Variants in GABRR3 observed in about 807,000 individuals in gnomAD.
GABRR3 encodes gamma-aminobutyric acid type A receptor subunit rho3.
Under a neutral mutation model 43.2 loss-of-function variants are expected in GABRR3, and 29 were observed. The observed-to-expected ratio is 0.67, with a 90% CI of 0.50 to 0.92. The LOEUF is 0.92. Among genes scored for constraint, GABRR3 ranks in the 40% least tolerant of loss-of-function variants. GABRR3 has a pLI of 0.00. For missense variants in GABRR3, 576 were observed against 572.3 expected, an observed-to-expected ratio of 1.01 and a Z score of -0.07; for synonymous variants, 206 against 195.9, an observed-to-expected ratio of 1.05 and a Z score of -0.43.
At chr3:98,032,134 T>G (rs773945673) in intron 2 of GABRR3, among the ~76,000 whole-genome samples, 4 of 148,120 alleles carry the variant, frequency 2.7e-5, no homozygotes, top group Non-Finnish European at 4.5e-5. Context: ...AATGGTATAC[T>G]GTAGTATTTC....
intron 8 of GABRR3, chr3:97,997,999 C>G (rs980633233): frequency 1.3e-5 from 2 of 151,944 alleles, no homozygotes; most frequent in Non-Finnish European, 2.9e-5. Context: ...TTCTTTATAT[C>G]TCCACTACTA....
At chr3:98,012,503 G>A in exon 5 of GABRR3, 2 of 1,613,968 alleles carry the variant, frequency 1.2e-6, no homozygotes, top group African/African-American at 1.3e-5. Context: ...TTTGTTTGCT[G>A]TGCTAGGAAA....
intron 4 of GABRR3, among the ~76,000 whole-genome samples, chr3:98,016,415 G>A (rs116779057): frequency 0.01 from 1,539 of 151,544 alleles, 21 homozygotes; most frequent in African/African-American, 0.036. Flanking sequence ...GCCTGCTCCC[G>A]TTCACCTTCC....
Position 98,025,752 on chromosome 3 carries a change from T to A in GABRR3, c.126-73A>T, listed in dbSNP as rs571697766. On this transcript the variant is annotated intron_variant, in intron 2 of 9. Transcript: ENST00000621172. The stretch of plus-strand genomic sequence containing the variant: ...TGGATATTTTGATTTAGGTTAGCCA[T>A]CTGTGCTCAACATAACATGTTCTGA... The A allele has an allele frequency of 2.7e-5, 26 of 971,758 alleles. 1 individual carries two copies. In the South Asian group the frequency reaches 3.9e-4, roughly 15 times the overall value. The allele number at this position is 971,758 out of a possible 1,614,324, so 60.2% of individuals were successfully genotyped here. A position where few individuals can be genotyped will look rare whatever the true frequency, so the allele number is the denominator to read the frequency against.
At chr3:97,986,291 T>C (rs1316124830), downstream of GABRR3, among the ~76,000 whole-genome samples, 1 of 152,238 alleles carries the variant, frequency 6.6e-6, no homozygotes, top group African/African-American at 2.4e-5. Context: ...CCTAGGACGG[T>C]TGAGCTCTGG....
chr3:98,023,748 C>T (rs1232921850), intron 3 of GABRR3, among the ~76,000 whole-genome samples: 3 of 152,256 alleles, frequency 2.0e-5, no homozygotes, highest in African/African-American at 4.8e-5. Context: ...AATTATGATT[C>T]AATAAGTGTG....
intron 6 of GABRR3, 30 bp downstream of exon 6, chr3:98,008,926 G>A (rs745713209): frequency 1.5e-6 from 2 of 1,336,514 alleles, no homozygotes; most frequent in Admixed American, 1.8e-5. Context: ...CAAATGATGT[G>A]CACTCACTCC....
chr3:98,008,158 C>G (rs2107236706), intron 6 of GABRR3, among the ~76,000 whole-genome samples: 1 of 152,280 alleles, frequency 6.6e-6, no homozygotes, highest in East Asian at 1.9e-4. Context: ...AATTGAAACT[C>G]CCCAGATAGC....
At chr3:97,992,996 G>A (rs781154354) in exon 9 of GABRR3, 4 of 1,613,082 alleles carry the variant, frequency 2.5e-6, no homozygotes, top group Non-Finnish European at 3.4e-6. Context: ...CCTGGGGCAT[G>A]GAGGCGCTCA....
chr3:98,017,108 T>C (rs76937651), intron 4 of GABRR3, among the ~76,000 whole-genome samples: 5 of 152,186 alleles, frequency 3.3e-5, no homozygotes, highest in South Asian at 4.1e-4. Flanking sequence ...AATTAAATAA[T>C]GGCAGTCTTT....
chr3:98,001,862 T>C (rs184518843), intron 7 of GABRR3, 95 bp from the exon 8 acceptor site: 460 of 1,354,228 alleles, frequency 3.4e-4, no homozygotes, highest in Non-Finnish European at 4.4e-4. Flanking sequence ...TCCAAGCTCT[T>C]GGGGACACGG....
rs551254538 is a variant in GABRR3, at chr3:97,993,471, T to C, written c.908-423A>G. Among the ~76,000 whole-genome samples, 10 of 152,338 alleles carry C rather than the reference T, an allele frequency of 6.6e-5. No individual in the cohort carries two copies. The South Asian group carries it at 2.1e-3, about 32-fold the overall frequency. Reference sequence around the variant, plus strand: ...TTATAACCTGTCTTTATGTCTACATTTAATATTTCATGCTTCCGGGGAGCT... The same window carrying C: ...TTATAACCTGTCTTTATGTCTACATCTAATATTTCATGCTTCCGGGGAGCT... On this transcript the variant is annotated intron_variant, in intron 8 of 9. Coordinates refer to ENST00000621172, the Ensembl canonical transcript of GABRR3.
intron 7 of GABRR3, among the ~76,000 whole-genome samples, chr3:98,002,700 T>C (rs1465767611): frequency 6.6e-6 from 1 of 151,212 alleles, no homozygotes; most frequent in East Asian, 1.9e-4. Flanking sequence ...TGGAAATACA[T>C]CTTTTCTGAA....
exon 8 of GABRR3, chr3:98,001,725 T>A (rs957278962): frequency 4.3e-6 from 7 of 1,613,084 alleles, no homozygotes; most frequent in Non-Finnish European, 5.9e-6. Context: ...GAAGAAAACA[T>A]GCCTCCTTAG....
In GABRR3 at chr3:98,016,899, G is replaced by A. The variant is rs555180381; in HGVS notation, c.306+756C>T. 9.9e-5 allele frequency among the ~76,000 whole-genome samples: 15 copies of A among 152,174 alleles called. No homozygotes were observed. In the South Asian group the frequency reaches 1.7e-3, roughly 17 times the overall value. On this transcript the variant is annotated intron_variant, in intron 4 of 9. Coordinates refer to ENST00000621172, the Ensembl canonical transcript of GABRR3. ...TAGAGAAAATAAAATGGAAAATTAC[G>A]GTTGATAATATTAAAACATAAAAAT... is the stretch of plus-strand genomic sequence containing the variant.
At chr3:98,002,876 C>T (rs574592680) in intron 7 of GABRR3, among the ~76,000 whole-genome samples, 15 of 152,184 alleles carry the variant, frequency 9.9e-5, no homozygotes, top group East Asian at 3.9e-4. Context: ...AAACCCAAGA[C>T]GGCAAACCTA....
chr3:98,008,170 G>A (rs1373020278), intron 6 of GABRR3, among the ~76,000 whole-genome samples: 1 of 152,186 alleles, frequency 6.6e-6, no homozygotes, highest in Non-Finnish European at 1.5e-5. Flanking sequence ...CCAGATAGCT[G>A]CTCCCATATT....
At chr3:97,998,329 A>C (rs563414569) in intron 8 of GABRR3, 3 of 152,272 alleles carry the variant, frequency 2.0e-5, no homozygotes, top group Admixed American at 2.0e-4. Context: ...TGAGATTATG[A>C]TCCAAACCAG....
chr3:98,020,457 CAAAAAA>C (rs745684367), intron 3 of GABRR3, among the ~76,000 whole-genome samples: 1 of 100,594 alleles, frequency 9.9e-6, no homozygotes, highest in African/African-American at 3.7e-5. Flanking sequence ...GTCCAATCTT[CAAAAAA>C]AAAAAAAAAA....
Sources: gnomAD v4.1 joint callset for allele counts (sites outside exome capture counted in the v4.1 genomes callset) on GRCh38, gnomAD v4.1.1 for gene constraint, MANE v1.5 for transcripts, NCBI Gene and HGNC (gene_info 2026-07-23, HGNC 2026-07-21) for gene names.